Variants in ABLIM1 observed in about 807,000 individuals in gnomAD.
ABLIM1 encodes the protein actin binding LIM protein 1.
Under a neutral mutation model 107.0 loss-of-function variants are expected in ABLIM1, and 40 were observed. The ratio of observed to expected loss-of-function variants is 0.37; its 90% confidence interval spans 0.29 to 0.49. ABLIM1 has a LOEUF of 0.49. Ranked by LOEUF, ABLIM1 falls within the 20% of genes least tolerant of loss-of-function variation. The pLI is 0.97. For synonymous variants in ABLIM1, 357 were observed against 357.3 expected (o/e 1.00, Z 0.01); for missense variants, 857 against 1,008.5 (o/e 0.85, Z 2.04).
chr10:114,441,904 A>T, intron 17 of ABLIM1, 118 bp from the exon 18 acceptor site: 1 of 863,486 alleles, frequency 1.2e-6, no homozygotes, highest in Admixed American at 2.2e-5. Flanking sequence ...TTCAAATCAT[A>T]TTGGGCTCAA....
Position 114,629,037 on chromosome 10 carries a change from C to A in ABLIM1, c.245-27076G>T, listed in dbSNP as rs2078000511. 6.6e-6 allele frequency among the ~76,000 whole-genome samples: 1 copy of A among 152,140 alleles called. No individual in the cohort carries two copies. The highest frequency in any genetic ancestry group is 2.1e-4 in the South Asian group (1 of 4,828). ...GAAGACATAAGAGAAATAACCATTT[C>A]ATCAAGATTCCGGAATCAATAAGTG... On this transcript the variant is annotated intron_variant, in intron 1 of 22. Coordinates refer to ENST00000533213, the MANE Select transcript of ABLIM1 (RefSeq NM_002313.7). The surrounding 1 kb of genome is among the most constrained non-coding windows in gnomAD (Gnocchi z 4.0).
Position 114,472,911 on chromosome 10 carries a change from T to C in ABLIM1, c.1275+66A>G, listed in dbSNP as rs1193207775. ...ATTTACCTGAACTCCAAATGGTAGTTATTACAAATGTGACAAAAGGGAAGG... is the reference window on the plus strand; with the variant it reads ...ATTTACCTGAACTCCAAATGGTAGTCATTACAAATGTGACAAAAGGGAAGG... On this transcript the variant is annotated intron_variant, in intron 10 of 22. Coordinates refer to ENST00000533213, the MANE Select transcript of ABLIM1 (RefSeq NM_002313.7). 14 of 1,425,336 alleles carry C rather than the reference T, an allele frequency of 9.8e-6. No homozygotes were observed. In the East Asian group the frequency reaches 3.2e-4, roughly 33 times the overall value. The allele number at this position is 1,425,336 out of a possible 1,614,324, so 88.3% of individuals were successfully genotyped here.
intron 1 of ABLIM1, among the ~76,000 whole-genome samples, chr10:114,633,583 G>C (rs2078309272): frequency 1.3e-5 from 2 of 152,254 alleles, no homozygotes. Context: ...TTTTTCCTAA[G>C]TCAGCAGCCA....
At chr10:114,712,606 G>A (rs1219933422) in intron 1 of ABLIM1, among the ~76,000 whole-genome samples, 1 of 152,124 alleles carries the variant, frequency 6.6e-6, no homozygotes, top group Non-Finnish European at 1.5e-5. Context: ...GGCTTTCTTG[G>A]TTTGGTTTTC....
the ABLIM1 span, among the ~76,000 whole-genome samples, chr10:114,784,094 T>A: frequency 5.3e-5 from 8 of 151,940 alleles, no homozygotes; most frequent in Non-Finnish European, 1.0e-4. Flanking sequence ...ACATCTGTAA[T>A]CCCAGCACTT....
At chr10:114,583,460 CACACACACATATATATATATATAT>C (rs2073792059) in intron 2 of ABLIM1, among the ~76,000 whole-genome samples, 7 of 10,318 alleles carry the variant, frequency 6.8e-4, no homozygotes, top group Non-Finnish European at 1.4e-3. Flanking sequence ...CACACACACA[CACACACACATATATATATATATAT>C]ATATATATAT....
chr10:114,770,425 T>C (rs771624608), upstream of ABLIM1, among the ~76,000 whole-genome samples: 6 of 152,206 alleles, frequency 3.9e-5, no homozygotes, highest in Non-Finnish European at 8.8e-5. Context: ...CATTTTACTG[T>C]AGACAGACTA....
intron 1 of ABLIM1, among the ~76,000 whole-genome samples, chr10:114,676,004 C>T (rs2080465129): frequency 6.6e-6 from 1 of 152,178 alleles, no homozygotes; most frequent in African/African-American, 2.4e-5. Flanking sequence ...CTCATCTTAA[C>T]TTGATGGTCT....
chr10:114,572,043 T>C (rs2071757925), intron 3 of ABLIM1, among the ~76,000 whole-genome samples: 1 of 152,242 alleles, frequency 6.6e-6, no homozygotes. Context: ...ATAGTAGATA[T>C]TCATCAATAG....
upstream of ABLIM1, among the ~76,000 whole-genome samples, chr10:114,769,457 AAGAAAGAAAG>A (rs1425904816): frequency 3.2e-5 from 3 of 94,464 alleles, no homozygotes; most frequent in Non-Finnish European, 5.1e-5. Context: ...GAAAGAAAGA[AAGAAAGAAAG>A]AAAGAAAGAA....
At chr10:114,765,605 G>C (rs945665961) in intron 1 of ABLIM1, among the ~76,000 whole-genome samples, 1 of 152,088 alleles carries the variant, frequency 6.6e-6, no homozygotes, top group South Asian at 2.1e-4. Flanking sequence ...CCACAGTTTT[G>C]AAATCTTTTA....
chr10:114,778,962 C>A, the ABLIM1 span: 1 of 152,164 alleles, frequency 6.6e-6, no homozygotes, highest in African/African-American at 2.4e-5. Context: ...GTATGAATGT[C>A]GGTCGAACTG....
intron 1 of ABLIM1, among the ~76,000 whole-genome samples, chr10:114,715,807 T>G (rs1591872948): frequency 6.6e-6 from 1 of 152,364 alleles, no homozygotes; most frequent in East Asian, 1.9e-4. Context: ...TTCTGAACAC[T>G]GATTTTTCAT....
chr10:114,530,802 G>A (rs1036264888), intron 6 of ABLIM1, among the ~76,000 whole-genome samples: 12 of 152,186 alleles, frequency 7.9e-5, no homozygotes, highest in African/African-American at 2.9e-4. Flanking sequence ...CCAAAGTGCT[G>A]GGATTATAGG....
At chr10:114,675,761 T>C (rs1017133242) in intron 1 of ABLIM1, among the ~76,000 whole-genome samples, 1 of 152,226 alleles carries the variant, frequency 6.6e-6, no homozygotes, top group Non-Finnish European at 1.5e-5. Context: ...CTCACAGTTC[T>C]GGAGACTAGA....
chr10:114,788,348 AT>A, the ABLIM1 span, among the ~76,000 whole-genome samples: 96 of 140,580 alleles, frequency 6.8e-4, no homozygotes, highest in Admixed American at 1.6e-3. Flanking sequence ...AAAAAAAAAA[AT>A]AAATAAATAA....
intron 1 of ABLIM1, among the ~76,000 whole-genome samples, chr10:114,663,710 GCCCTGGC>G (rs2079889772): frequency 6.6e-6 from 1 of 152,238 alleles, no homozygotes; most frequent in African/African-American, 2.4e-5. Context: ...TGCCCGAGAG[GCCCTGGC>G]CAGCTGTGGA....
chr10:114,559,876 T>C (rs1053920643), intron 4 of ABLIM1, among the ~76,000 whole-genome samples: 1 of 152,128 alleles, frequency 6.6e-6, no homozygotes, highest in Non-Finnish European at 1.5e-5. Context: ...GCTCAAATTA[T>C]GGCCAGCAAT....
At chr10:114,653,531 G>A (rs1174979067) in intron 1 of ABLIM1, among the ~76,000 whole-genome samples, 2 of 152,160 alleles carry the variant, frequency 1.3e-5, no homozygotes, top group African/African-American at 4.8e-5. Context: ...GAGACAGAGG[G>A]AGGCCCTGTC....
Sources: allele counts gnomAD v4.1 joint callset (sites outside exome capture counted in the v4.1 genomes callset), GRCh38; gene constraint gnomAD v4.1.1; non-coding constraint Gnocchi (gnomAD v3.1); transcripts MANE v1.5; gene names NCBI Gene and HGNC (gene_info 2026-07-23, HGNC 2026-07-21).